CBR4: variants seen among roughly 807,000 people sequenced by gnomAD.
CBR4 encodes the protein carbonyl reductase 4.
In CBR4, 22 loss-of-function variants were observed where a neutral mutation model predicts 21.0. The observed-to-expected ratio is 1.05, with a 90% confidence interval of 0.75 to 1.50. The LOEUF (loss-of-function observed/expected upper bound fraction) is 1.50. CBR4 is among the 40% of genes most tolerant of loss of function. CBR4 has a pLI of 0.00. For synonymous variants in CBR4, 100 were observed against 104.4 expected, an observed-to-expected ratio of 0.96 and a Z score of 0.26; for missense variants, 302 against 286.3, an observed-to-expected ratio of 1.05 and a Z score of -0.40.
chr4:168,984,260 A>G (rs906769117), downstream of CBR4, among the ~76,000 whole-genome samples: 4 of 152,170 alleles, frequency 2.6e-5, no homozygotes, highest in Admixed American at 6.5e-5. Context: ...ATCTATACAA[A>G]TAATATCCAA....
intron 2 of CBR4, among the ~76,000 whole-genome samples, chr4:168,951,665 T>C (rs1428134298): frequency 6.6e-6 from 1 of 152,210 alleles, no homozygotes; most frequent in Non-Finnish European, 1.5e-5. Context: ...CTTTCCCACA[T>C]ACATGATGCT....
At chr4:168,909,759 T>C (rs1367309504) in intron 2 of CBR4, among the ~76,000 whole-genome samples, 1 of 152,176 alleles carries the variant, frequency 6.6e-6, no homozygotes, top group Non-Finnish European at 1.5e-5. Flanking sequence ...TTATTGCTAA[T>C]TCTATATGAC....
intron 2 of CBR4, among the ~76,000 whole-genome samples, chr4:168,907,998 C>T (rs1166744498): frequency 6.6e-6 from 1 of 152,192 alleles, no homozygotes; most frequent in African/African-American, 2.4e-5. Flanking sequence ...TAACCCAAGA[C>T]AGGCAAAAGG....
Position 168,898,635 on chromosome 4 carries a change from T to C in CBR4, n.170-3870A>G, listed in dbSNP as rs142116575. 1.9e-3 allele frequency: 3,101 copies of C among 1,614,134 alleles called. 5 individuals carry two copies. The highest frequency in any genetic ancestry group is 2.5e-3 in the Non-Finnish European group (2,967 of 1,179,970). On this transcript the variant is annotated intron_variant and non_coding_transcript_variant, in intron 2 of 3. Transcript: ENST00000509108. ...AATGGAATGGCACCATTCTTTGAGA[T>C]GAAGCTGAAACATTACAAGATCTTT...
intron 2 of CBR4, among the ~76,000 whole-genome samples, chr4:168,918,361 A>C (rs539343359): frequency 1.3e-5 from 2 of 151,562 alleles, no homozygotes; most frequent in African/African-American, 4.8e-5. Context: ...CACACAGTGG[A>C]AAATTATAAT....
At chr4:168,932,320 A>T in intron 2 of CBR4, among the ~76,000 whole-genome samples, 1 of 152,034 alleles carries the variant, frequency 6.6e-6, no homozygotes, top group Admixed American at 6.5e-5. Context: ...AAGAGCTTCA[A>T]CAACAGATTA....
At chr4:168,986,190 A>G (rs1433552744), downstream of CBR4, among the ~76,000 whole-genome samples, 4 of 152,230 alleles carry the variant, frequency 2.6e-5, no homozygotes, top group African/African-American at 9.6e-5. Flanking sequence ...AGTAATCTAG[A>G]GATGATGTAA....
At chr4:168,978,317 G>A (rs1764432599) in intron 2 of CBR4, among the ~76,000 whole-genome samples, 1 of 152,172 alleles carries the variant, frequency 6.6e-6, no homozygotes, top group Non-Finnish European at 1.5e-5. Flanking sequence ...TTTGGGGGAG[G>A]GGAGTGGCAA....
intron 2 of CBR4, among the ~76,000 whole-genome samples, chr4:168,974,207 C>T (rs1219255997): frequency 6.6e-5 from 10 of 152,174 alleles, no homozygotes; most frequent in Non-Finnish European, 1.3e-4. Flanking sequence ...ATACAAAATT[C>T]TTGGCTGAAG....
Position 168,961,958 on chromosome 4 carries a change from GA to G in CBR4, n.169+40112del, listed in dbSNP as rs1456387197. Among the ~76,000 whole-genome samples, 5 of 11,966 alleles carry G rather than the reference GA, an allele frequency of 4.2e-4. No individual in the cohort carries two copies. In the East Asian group the frequency reaches 0.23, roughly 544 times the overall value. The allele number at this position is 11,966 out of a possible 152,430, so 7.9% of individuals were successfully genotyped here. ...GAGAGCACAGGAGAGGAGAGGAGAGGAGAGGAGAGGAGAGGAGAGGAGAGGA... is the reference window on the plus strand; with the variant it reads ...GAGAGCACAGGAGAGGAGAGGAGAGGGAGGAGAGGAGAGGAGAGGAGAGGA... On this transcript the variant is annotated intron_variant and non_coding_transcript_variant, in intron 2 of 3. Transcript: ENST00000509108.
At chr4:168,950,513 C>T (rs1202461708) in intron 2 of CBR4, among the ~76,000 whole-genome samples, 1 of 152,056 alleles carries the variant, frequency 6.6e-6, no homozygotes, top group Non-Finnish European at 1.5e-5. Context: ...TGTGGCCTAT[C>T]ATATGGTCTA....
chr4:168,956,818 A>G lies in CBR4; in HGVS notation n.169+45253T>C, dbSNP rs112527653. Among the ~76,000 whole-genome samples the G allele has an allele frequency of 1.2e-3, 180 of 152,272 alleles. 1 individual carries two copies. Among genetic ancestry groups the G allele is most frequent in the African/African-American group, 4.1e-3 (172 of 41,560 alleles). On this transcript the variant is annotated intron_variant and non_coding_transcript_variant, in intron 2 of 3. Coordinates refer to the CBR4 transcript ENST00000509108. ...AGTTACAGAACTGGAACTTGAAACC[A>G]GAACTATCTGGCTCCAAAGGCCTTA...
intron 2 of CBR4, among the ~76,000 whole-genome samples, chr4:168,964,924 T>C (rs1365760668): frequency 6.6e-6 from 1 of 152,136 alleles, no homozygotes; most frequent in Non-Finnish European, 1.5e-5. Context: ...TTTAAGGCAG[T>C]TTGGGACATG....
chr4:168,950,967 G>A (rs1763524110), intron 2 of CBR4, among the ~76,000 whole-genome samples: 1 of 152,154 alleles, frequency 6.6e-6, no homozygotes, highest in Admixed American at 6.5e-5. Flanking sequence ...TTTACTTTAA[G>A]TTTGTGCGAG....
At chr4:168,922,459 C>T (rs1008672690) in intron 2 of CBR4, among the ~76,000 whole-genome samples, 4 of 152,124 alleles carry the variant, frequency 2.6e-5, no homozygotes, top group African/African-American at 4.8e-5. Context: ...ATGAGATAAT[C>T]AGAGCAAATC....
chr4:168,931,546 C>T (rs531575593), intron 2 of CBR4, among the ~76,000 whole-genome samples: 1 of 152,224 alleles, frequency 6.6e-6, no homozygotes, highest in East Asian at 1.9e-4. Flanking sequence ...GACACACCCC[C>T]TGGCTGGCTG....
At chr4:168,950,118 T>C (rs1483431868) in intron 2 of CBR4, among the ~76,000 whole-genome samples, 1 of 152,204 alleles carries the variant, frequency 6.6e-6, no homozygotes, top group Non-Finnish European at 1.5e-5. Context: ...TTTTATTTAG[T>C]TCTGCTCTGA....
chr4:168,917,362 T>G (rs1052338691), intron 2 of CBR4, among the ~76,000 whole-genome samples: 2 of 152,144 alleles, frequency 1.3e-5, no homozygotes, highest in African/African-American at 4.8e-5. Context: ...GCAAGGCTTT[T>G]TAACCCAAGG....
intron 2 of CBR4, among the ~76,000 whole-genome samples, chr4:168,980,416 C>T (rs1293070273): frequency 6.6e-6 from 1 of 152,150 alleles, no homozygotes; most frequent in Non-Finnish European, 1.5e-5. Context: ...GCTAATATAC[C>T]GCCTATGAAA....
Sources: allele counts gnomAD v4.1 joint callset (sites outside exome capture counted in the v4.1 genomes callset), GRCh38; gene constraint gnomAD v4.1.1; transcripts MANE v1.5; gene names NCBI Gene and HGNC (gene_info 2026-07-23, HGNC 2026-07-21).